Variants in HSPH1 observed in about 807,000 individuals in gnomAD.
The protein encoded by HSPH1 is heat shock protein family H (Hsp110) member 1, also known as heat shock protein 105 kDa.
HSPH1 carries 40 observed loss-of-function variants against 100.0 expected under a neutral mutation model. The ratio of observed to expected loss-of-function variants is 0.40; its 90% CI spans 0.31 to 0.52. The LOEUF (loss-of-function observed/expected upper bound fraction) is 0.52. HSPH1 is among the 20% of genes least tolerant of loss of function. The pLI is 0.54. For missense variants in HSPH1, 876 were observed against 1,015.1 expected, an observed-to-expected ratio of 0.86 and a Z score of 1.86; for synonymous variants, 403 against 344.0, an observed-to-expected ratio of 1.17 and a Z score of -1.90.
chr13:31,161,680 T>G lies in HSPH1; in HGVS notation c.-98A>C. On this transcript the variant is annotated 5_prime_UTR_variant, in exon 1 of 18. Transcript: ENST00000320027. The stretch of plus-strand genomic sequence containing the variant: ...GCCGCTTTCTGCCCTGGCCGCGTTC[T>G]GCTCCGGCCCGCGGGGTCTGGCCGT... 6.4e-7 allele frequency: 1 copy of G among 1,558,936 alleles called. No individual in the cohort carries two copies. The highest frequency in any genetic ancestry group is 1.2e-5 in the South Asian group (1 of 86,656).
In HSPH1 at chr13:31,161,432, G is replaced by A. The variant is rs1009688141; in HGVS notation, c.107+44C>T. On this transcript the variant is annotated intron_variant, in intron 1 of 17. Coordinates refer to ENST00000320027, the MANE Select transcript of HSPH1 (RefSeq NM_006644.4). Reference sequence around the variant, plus strand: ...CGCGATCTTGGGTCCCCACACTAAGGGCCCAGAACCTCCTCCCATCCACCC... The same window carrying A: ...CGCGATCTTGGGTCCCCACACTAAGAGCCCAGAACCTCCTCCCATCCACCC... 1.5e-5 allele frequency: 24 copies of A among 1,607,036 alleles called. 1 individual carries two copies. The highest frequency in any genetic ancestry group is 2.0e-5 in the Non-Finnish European group (24 of 1,175,466).
chr13:31,139,183 A>T, intron 14 of HSPH1, 76 bp from the exon 15 acceptor site: 1 of 911,314 alleles, frequency 1.1e-6, no homozygotes, highest in Non-Finnish European at 1.8e-6. Context: ...AGGTATTCTC[A>T]CACTAGGTAG....
Position 31,138,770 on chromosome 13 carries a change from G to A in HSPH1, c.2208+11C>T. On this transcript the variant is annotated intron_variant, in intron 16 of 17. Transcript: ENST00000320027. Reference sequence around the variant, plus strand: ...TTAACTTCCTCCCTATGTACAAAAAGACTGACTCACCTTATTTCTGAAGTC... The same window carrying A: ...TTAACTTCCTCCCTATGTACAAAAAAACTGACTCACCTTATTTCTGAAGTC... The A allele has an allele frequency of 6.3e-7, 1 of 1,598,202 alleles. No individual in the cohort carries two copies. The highest frequency in any genetic ancestry group is 8.5e-7 in the Non-Finnish European group (1 of 1,175,682).
chr13:31,137,696 T>TA, intron 17 of HSPH1, among the ~76,000 whole-genome samples, 172 bp from the exon 18 acceptor site: 1 of 152,320 alleles, frequency 6.6e-6, no homozygotes, highest in Non-Finnish European at 1.5e-5. Flanking sequence ...CTGACCAAAA[T>TA]AGAGTATTAA....
intron 2 of HSPH1, among the ~76,000 whole-genome samples, chr13:31,157,554 ATTT>A (rs925753321): frequency 2.0e-5 from 3 of 152,212 alleles, no homozygotes; most frequent in African/African-American, 7.2e-5. Context: ...ATCTGACCTG[ATTT>A]TTTAATAGGT....
intron 1 of HSPH1, among the ~76,000 whole-genome samples, chr13:31,161,206 G>C (rs921177580): frequency 1.3e-5 from 2 of 152,152 alleles, no homozygotes; most frequent in South Asian, 4.1e-4. Context: ...CCAATAGGAA[G>C]CCCGCACAAG....
At position 31,141,251 on chromosome 13, in the gene HSPH1, T is replaced by C. The variant is rs758002710; in HGVS notation, c.1725A>G (p.Glu575=). The stretch of plus-strand genomic sequence containing the variant: ...CTTCTGGAGGCTGGTCAACTTTTTT[T>C]TCATTTGCCTTGGGAAGAGGAATAA... ...NKIPDADKAN[E]KKVDQPPEAK... The change falls in exon 13 of 18, where the codon GAA becomes GAG. Residue 575 remains glutamate, a synonymous_variant. Transcript: ENST00000320027. 106 of 1,602,826 alleles carry C rather than the reference T, an allele frequency of 6.6e-5. No individual in the cohort carries two copies. In the Admixed American group the frequency reaches 1.7e-3, roughly 26 times the overall value.
chr13:31,135,231 C>T lies in HSPH1; in HGVS notation c.*2087G>A, dbSNP rs1275650377. 1.3e-5 allele frequency: 2 copies of T among 152,200 alleles called. No individual in the cohort carries two copies. Among genetic ancestry groups the T allele is most frequent in the African/African-American group, 4.8e-5 (2 of 41,444 alleles). The allele number at this position is 152,200 out of a possible 1,614,324, so 9.4% of individuals were successfully genotyped here. A position where few individuals can be genotyped will look rare whatever the true frequency, so the allele number is the denominator to read the frequency against. ...TAGGCCAGACTGACTGATGCTCCCT[C>T]CCGTCATCAGGTTCTATTTTAGGAC... On this transcript the variant is annotated 3_prime_UTR_variant, in exon 18 of 18. Coordinates refer to ENST00000320027, the MANE Select transcript of HSPH1 (RefSeq NM_006644.4).
chr13:31,138,971 A>G (rs749317541), intron 15 of HSPH1, 29 bp downstream of exon 15: 2 of 1,588,364 alleles, frequency 1.3e-6, no homozygotes, highest in South Asian at 2.2e-5. Flanking sequence ...AAACACAAGT[A>G]CCACCTTTTG....
chr13:31,161,966 T>C (rs1001775734), upstream of HSPH1: 3 of 1,535,968 alleles, frequency 2.0e-6, no homozygotes, highest in African/African-American at 1.4e-5. Flanking sequence ...TTCCAGAATC[T>C]GCGGCATTTA....
chr13:31,162,132 C>A (rs1424516831), upstream of HSPH1: 7 of 1,523,996 alleles, frequency 4.6e-6, no homozygotes, highest in Admixed American at 3.9e-5. Flanking sequence ...TTGGCTCAAA[C>A]CTGCCTCCGC....
chr13:31,139,433 C>A (rs1956007864), intron 14 of HSPH1, among the ~76,000 whole-genome samples: 1 of 152,032 alleles, frequency 6.6e-6, no homozygotes. Context: ...TTGACAATCA[C>A]TGAACACATG....
rs879206677 is a variant in HSPH1 at position 31,161,761 on chromosome 13, C to T, written c.-179G>A. 3.3e-6 allele frequency: 5 copies of T among 1,525,578 alleles called. No individual in the cohort carries two copies. The African/African-American group carries it at 5.5e-5, about 17-fold the overall frequency. 94.5% of individuals were successfully genotyped at this position (1,525,578 alleles called of 1,614,324 possible). ...GCCGCGGCCTGTCAGGAGCCTCCTACTCCCCCGGGGACAGCGGCGGCTGGC... is the reference window on the plus strand; with the variant it reads ...GCCGCGGCCTGTCAGGAGCCTCCTATTCCCCCGGGGACAGCGGCGGCTGGC... On this transcript the variant is annotated 5_prime_UTR_variant, in exon 1 of 18. Coordinates refer to ENST00000320027, the MANE Select transcript of HSPH1 (RefSeq NM_006644.4).
At chr13:31,147,547 A>G (rs1243091638) in intron 10 of HSPH1, among the ~76,000 whole-genome samples, 1 of 152,146 alleles carries the variant, frequency 6.6e-6, no homozygotes, top group Admixed American at 6.5e-5. Context: ...TGAGAAGTAG[A>G]TTCACAATGG....
intron 1 of HSPH1, among the ~76,000 whole-genome samples, chr13:31,160,808 T>G (rs948121694): frequency 1.3e-5 from 2 of 152,204 alleles, no homozygotes; most frequent in Admixed American, 1.3e-4. Context: ...TTTACATCTT[T>G]CGACAATGAT....
intron 17 of HSPH1, among the ~76,000 whole-genome samples, chr13:31,138,178 TG>T (rs1358264783): frequency 1.3e-5 from 2 of 152,082 alleles, no homozygotes; most frequent in Non-Finnish European, 2.9e-5. Flanking sequence ...ACATGACAGG[TG>T]CTCAACAAAT....
chr13:31,156,758 T>C (rs1022602311), intron 2 of HSPH1, among the ~76,000 whole-genome samples: 1 of 152,234 alleles, frequency 6.6e-6, no homozygotes, highest in African/African-American at 2.4e-5. Context: ...TGTTTTCAAC[T>C]GCATGTGCGT....
chr13:31,147,930 G>C (rs770478655), intron 10 of HSPH1, 29 bp downstream of exon 10: 1 of 1,545,918 alleles, frequency 6.5e-7, no homozygotes, highest in Non-Finnish European at 8.7e-7. Flanking sequence ...TTAACTAAAA[G>C]AGTAAAATAT....
At position 31,137,188 on chromosome 13, in the gene HSPH1, C is replaced by A; in HGVS notation, c.*130G>T. ...ACAGACTTAAGCTTTTTTTCTTTTT[C>A]CATATAATACACAAAATTTCTAAAT... On this transcript the variant is annotated 3_prime_UTR_variant, in exon 18 of 18. Transcript: ENST00000320027. The A allele has an allele frequency of 1.4e-6, 1 of 730,868 alleles. No individual in the cohort carries two copies. The highest frequency in any genetic ancestry group is 2.4e-6 in the Non-Finnish European group (1 of 416,944). 45.3% of individuals were successfully genotyped at this position (730,868 alleles called of 1,614,324 possible).
Sources: allele counts gnomAD v4.1 joint callset (sites outside exome capture counted in the v4.1 genomes callset), GRCh38; gene constraint gnomAD v4.1.1; transcripts MANE v1.5; gene names NCBI Gene and HGNC (gene_info 2026-07-23, HGNC 2026-07-21).